SCN11A: variants seen among roughly 807,000 people sequenced by gnomAD.
SCN11A encodes the protein sodium channel protein type 11 subunit alpha.
SCN11A carries 122 observed loss-of-function variants against 162.2 expected under a neutral mutation model. The observed-to-expected ratio is 0.75, with a 90% confidence interval of 0.65 to 0.87. SCN11A has a LOEUF of 0.87. SCN11A is among the 40% of genes least tolerant of loss of function. SCN11A has a pLI of 0.00. For synonymous variants in SCN11A, 758 were observed against 751.5 expected (o/e 1.01, Z -0.14); for missense variants, 2,015 against 2,181.6 (o/e 0.92, Z 1.52).
intron 2 of SCN11A, among the ~76,000 whole-genome samples, chr3:39,013,367 G>A (rs1389790839): frequency 6.6e-6 from 1 of 151,872 alleles, no homozygotes; most frequent in Non-Finnish European, 1.5e-5. Flanking sequence ...AGCTATGCAG[G>A]AGATCCAGTC....
chr3:38,892,602 C>T (rs1178129392), intron 19 of SCN11A, among the ~76,000 whole-genome samples: 1 of 151,984 alleles, frequency 6.6e-6, no homozygotes, highest in Non-Finnish European at 1.5e-5. Context: ...TATAAATATA[C>T]ACTTATTTTC....
At chr3:38,885,984 A>G in intron 20 of SCN11A, 141 bp downstream of exon 20, 1 of 567,316 alleles carries the variant, frequency 1.8e-6, no homozygotes, top group Non-Finnish European at 3.2e-6. Context: ...TAAAGTTGAG[A>G]AACCTGGCCT....
chr3:38,963,425 A>G (rs1425905743), intron 2 of SCN11A, among the ~76,000 whole-genome samples: 3 of 10,322 alleles, frequency 2.9e-4, no homozygotes, highest in African/African-American at 1.6e-3. Context: ...TATGATGGAG[A>G]TATATATATA....
intron 2 of SCN11A, among the ~76,000 whole-genome samples, chr3:38,998,919 A>T (rs1342567885): frequency 1.5e-5 from 1 of 66,636 alleles, no homozygotes. Flanking sequence ...GGGTGGGGGG[A>T]GGGGGGAGGG....
intron 2 of SCN11A, among the ~76,000 whole-genome samples, chr3:38,998,707 C>A (rs2030717565): frequency 6.6e-6 from 1 of 152,036 alleles, no homozygotes; most frequent in Non-Finnish European, 1.5e-5. Context: ...CACATATACA[C>A]CATGGAATAC....
At chr3:38,920,976 TAA>T (rs2066040433) in intron 10 of SCN11A, 98 bp downstream of exon 10, 7 of 1,114,258 alleles carry the variant, frequency 6.3e-6, no homozygotes, top group Middle Eastern at 2.1e-4. Context: ...CCCTTGCTGC[TAA>T]GAGACTCTGT....
chr3:38,901,487 C>T (rs2065698038), intron 16 of SCN11A, among the ~76,000 whole-genome samples: 1 of 152,080 alleles, frequency 6.6e-6, no homozygotes, highest in African/African-American at 2.4e-5. Context: ...TACAGCATCA[C>T]CAGATACCTT....
At position 38,850,744 on chromosome 3, in the gene SCN11A, C is replaced by T. The variant is rs555362768; in HGVS notation, c.4064G>A (p.Cys1355Tyr). The T allele has an allele frequency of 7.0e-6, 11 of 1,581,138 alleles. No homozygotes were observed. The highest frequency in any genetic ancestry group is 9.4e-6 in the Non-Finnish European group (11 of 1,165,328). Residue 1355 changes from cysteine to tyrosine, a missense_variant, in exon 29 of 30, where the codon TGT (cysteine) becomes TAT (tyrosine). Transcript: ENST00000302328. ...GACTATGTCGAACACGAGACCTTGA[C>T]ATTTGTTCTGAGAAAAAAAAGAAAT... ...QKPIPRPLNK[C>Y]QGLVFDIVTS...
chr3:39,051,921 T>C lies in SCN11A; in HGVS notation c.-464A>G. On this transcript the variant is annotated 5_prime_UTR_variant, in exon 1 of 30. Coordinates refer to ENST00000302328, the MANE Select transcript of SCN11A (RefSeq NM_001349253.2). ...AGCACCGAGGAAACACAACAGCCTGTTTACCTTCAGCCCCGCCACTAACCC... is the reference window on the plus strand; with the variant it reads ...AGCACCGAGGAAACACAACAGCCTGCTTACCTTCAGCCCCGCCACTAACCC... The C allele has an allele frequency of 7.0e-7, 1 of 1,424,306 alleles. No individual in the cohort carries two copies. 88.2% of individuals were successfully genotyped at this position (1,424,306 alleles called of 1,614,324 possible).
intron 12 of SCN11A, among the ~76,000 whole-genome samples, chr3:38,909,651 C>T (rs1288878953): frequency 1.4e-5 from 2 of 145,410 alleles, no homozygotes; most frequent in African/African-American, 2.6e-5. Context: ...GGTGTGATCT[C>T]GGCTCATTGC....
chr3:38,893,704 A>T (rs547542683), intron 19 of SCN11A, among the ~76,000 whole-genome samples: 1 of 152,294 alleles, frequency 6.6e-6, no homozygotes, highest in South Asian at 2.1e-4. Context: ...GAAATTAATA[A>T]CAAATAGAAA....
intron 7 of SCN11A, among the ~76,000 whole-genome samples, chr3:38,933,239 A>G (rs1294124953): frequency 1.3e-5 from 2 of 152,160 alleles, no homozygotes; most frequent in Admixed American, 6.5e-5. Context: ...ACCATCATCA[A>G]AGACCAAAAG....
chr3:38,934,935 GCACCA>G (rs1163621645), intron 7 of SCN11A, among the ~76,000 whole-genome samples: 1 of 150,810 alleles, frequency 6.6e-6, no homozygotes, highest in African/African-American at 2.4e-5. Flanking sequence ...ATTTTTTTCA[GCACCA>G]CACCACACCT....
At chr3:38,895,003 A>T (rs780333477) in intron 18 of SCN11A, 39 bp from the exon 19 acceptor site, 1 of 1,540,588 alleles carries the variant, frequency 6.5e-7, no homozygotes, top group Non-Finnish European at 8.7e-7. Context: ...AGGAAAGTTT[A>T]GCAAAGGAAA....
Position 38,925,704 on chromosome 3 carries a change from C to G in SCN11A, c.618-195G>C, listed in dbSNP as rs4676583. Among the ~76,000 whole-genome samples the G allele has an allele frequency of 0.99, 151,484 of 152,380 alleles. 75,300 individuals carry two copies. Among genetic ancestry groups the G allele is most frequent in the Middle Eastern group, 1 (294 of 294 alleles). On this transcript the variant is annotated intron_variant, in intron 8 of 29. Transcript: ENST00000302328. ...TGTTCTTGCTATGAACTGCAGAGGA[C>G]GCTGTTCTCAGTTCACCTTCATACG...
rs533441010 is a variant in SCN11A at position 38,855,813 on chromosome 3, T to C, written c.4057-5062A>G. Among the ~76,000 whole-genome samples the C allele has an allele frequency of 2.6e-5, 4 of 152,266 alleles. No homozygotes were observed. In the South Asian group the frequency reaches 8.3e-4, roughly 32 times the overall value. ...GCCAAGGACTCTCACAGAGTCTACTTCACTCTCCTGCCACTTCCACCAGAG... is the reference window on the plus strand; with the variant it reads ...GCCAAGGACTCTCACAGAGTCTACTCCACTCTCCTGCCACTTCCACCAGAG... On this transcript the variant is annotated intron_variant, in intron 28 of 29. Coordinates refer to ENST00000302328, the MANE Select transcript of SCN11A (RefSeq NM_001349253.2).
chr3:38,948,181 T>G (rs1035750454), intron 5 of SCN11A, among the ~76,000 whole-genome samples: 13 of 152,222 alleles, frequency 8.5e-5, no homozygotes, highest in Non-Finnish European at 1.6e-4. Context: ...AGACCTGCTT[T>G]GGAAATTCTG....
chr3:38,961,489 A>G (rs572628216), intron 2 of SCN11A, among the ~76,000 whole-genome samples: 17 of 152,374 alleles, frequency 1.1e-4, no homozygotes, highest in African/African-American at 4.1e-4. Flanking sequence ...GGCATGGAGC[A>G]TATGGCTTGG....
At chr3:38,874,409 G>A (rs2065176753) in intron 23 of SCN11A, among the ~76,000 whole-genome samples, 2 of 152,042 alleles carry the variant, frequency 1.3e-5, no homozygotes, top group Non-Finnish European at 2.9e-5. Context: ...ACCAGCCTGG[G>A]CAACATGGTA....
Sources: allele counts gnomAD v4.1 joint callset (sites outside exome capture counted in the v4.1 genomes callset), GRCh38; gene constraint gnomAD v4.1.1; transcripts MANE v1.5; gene names NCBI Gene and HGNC (gene_info 2026-07-23, HGNC 2026-07-21).